Variants in SLC14A2 observed in about 807,000 individuals in gnomAD.
SLC14A2 encodes solute carrier family 14 member 2, also known as urea transporter 2.
A neutral mutation model predicts 104.6 loss-of-function variants in SLC14A2; 91 were observed. The ratio of observed to expected loss-of-function variants is 0.87; its 90% confidence interval spans 0.73 to 1.04. SLC14A2 has a LOEUF of 1.04. Among genes scored for constraint, SLC14A2 ranks in the 50% least tolerant of loss-of-function variants. The probability of loss-of-function intolerance (pLI) is 0.00; values close to 1 mark genes in which losing one functional copy is unlikely to be tolerated. For missense variants in SLC14A2, 1,189 were observed against 1,156.0 expected, an observed-to-expected ratio of 1.03 and a Z score of -0.41; for synonymous variants, 476 against 466.4, an observed-to-expected ratio of 1.02 and a Z score of -0.27.
chr18:45,555,588 A>G (rs549802295), intron 2 of SLC14A2, among the ~76,000 whole-genome samples: 1 of 152,328 alleles, frequency 6.6e-6, no homozygotes, highest in African/African-American at 2.4e-5. Context: ...TTAGAATTCA[A>G]AGTGGACACT....
intron 2 of SLC14A2, among the ~76,000 whole-genome samples, chr18:45,570,693 C>T (rs1409554476): frequency 1.3e-5 from 2 of 152,316 alleles, no homozygotes; most frequent in East Asian, 3.9e-4. Context: ...GGCAGGAGGC[C>T]AGGCACCAGG....
At chr18:45,438,504 AAAGAGCAAAAGT>A (rs1187966458) in intron 1 of SLC14A2, among the ~76,000 whole-genome samples, 1 of 152,204 alleles carries the variant, frequency 6.6e-6, no homozygotes, top group Non-Finnish European at 1.5e-5. Flanking sequence ...TGTGCAAGAG[AAAGAGCAAAAGT>A]GAGAGCAAAA....
intron 1 of SLC14A2, among the ~76,000 whole-genome samples, chr18:45,465,742 C>T (rs767429065): frequency 8.5e-5 from 13 of 152,068 alleles, no homozygotes; most frequent in Non-Finnish European, 1.6e-4. Flanking sequence ...GCAGCTGTGG[C>T]GAGGGGTAAG....
chr18:45,624,550 C>T, intron 1 of SLC14A2, 81 bp from the exon 2 acceptor site: 1 of 1,042,740 alleles, frequency 9.6e-7, no homozygotes, highest in Non-Finnish European at 1.4e-6. Flanking sequence ...CAGGACAGAC[C>T]TGAGGTCTGA....
At chr18:45,419,026 G>A (rs992104069) in intron 1 of SLC14A2, among the ~76,000 whole-genome samples, 3 of 152,190 alleles carry the variant, frequency 2.0e-5, no homozygotes, top group African/African-American at 7.2e-5. Flanking sequence ...TACTGCTAGA[G>A]TCTCTTCATT....
intron 1 of SLC14A2, among the ~76,000 whole-genome samples, chr18:45,470,085 C>T (rs1050102334): frequency 6.6e-6 from 1 of 152,122 alleles, no homozygotes; most frequent in Non-Finnish European, 1.5e-5. Context: ...ACATCTCCTG[C>T]CTTTTGTTTT....
intron 1 of SLC14A2, among the ~76,000 whole-genome samples, chr18:45,475,672 T>C (rs183527825): frequency 1.0e-5 from 1 of 97,704 alleles, no homozygotes; most frequent in East Asian, 2.7e-4. Context: ...TATATATATA[T>C]ATATATATAT....
At chr18:45,488,083 A>C (rs549377447) in intron 2 of SLC14A2, among the ~76,000 whole-genome samples, 2 of 152,356 alleles carry the variant, frequency 1.3e-5, no homozygotes, top group African/African-American at 4.8e-5. Context: ...TCCTAGACTC[A>C]GAACTTAGGA....
chr18:45,525,962 A>G (rs2043589410), intron 2 of SLC14A2, among the ~76,000 whole-genome samples: 1 of 152,236 alleles, frequency 6.6e-6, no homozygotes, highest in Non-Finnish European at 1.5e-5. Flanking sequence ...AAATCAATTC[A>G]GTAGCTCAAA....
At chr18:45,289,718 C>A (rs1171277699) in intron 1 of SLC14A2, among the ~76,000 whole-genome samples, 1 of 152,244 alleles carries the variant, frequency 6.6e-6, no homozygotes, top group African/African-American at 2.4e-5. Context: ...CTGGGCTGAG[C>A]AGAAAGGAGG....
At chr18:45,568,025 TGG>T (rs2044292610) in intron 2 of SLC14A2, among the ~76,000 whole-genome samples, 1 of 152,172 alleles carries the variant, frequency 6.6e-6, no homozygotes, top group African/African-American at 2.4e-5. Flanking sequence ...CAAACCAACA[TGG>T]GTGTTCAGCT....
chr18:45,418,927 T>A (rs1568192436), intron 1 of SLC14A2, among the ~76,000 whole-genome samples: 1 of 152,120 alleles, frequency 6.6e-6, no homozygotes, highest in Non-Finnish European at 1.5e-5. Flanking sequence ...GGTGCAAGCA[T>A]CAGATCCATG....
chr18:45,310,126 G>A (rs114017452), intron 1 of SLC14A2, among the ~76,000 whole-genome samples: 2,191 of 152,046 alleles, frequency 0.014, 25 homozygotes, highest in Middle Eastern at 0.037. Flanking sequence ...TGGACATTTA[G>A]GTTCTTTCTC....
At chr18:45,212,855 C>T (rs2083973131), upstream of SLC14A2, 1 of 152,124 alleles carries the variant, frequency 6.6e-6, no homozygotes, top group African/African-American at 2.4e-5. Context: ...AAAACTGATC[C>T]GATCCCTCTG....
chr18:45,421,066 C>T (rs2086341115), intron 1 of SLC14A2, among the ~76,000 whole-genome samples: 1 of 151,964 alleles, frequency 6.6e-6, no homozygotes, highest in Non-Finnish European at 1.5e-5. Flanking sequence ...AACTTCTTCT[C>T]ATTAAAGTTC....
At chr18:45,417,590 TG>T (rs1388647467) in intron 1 of SLC14A2, among the ~76,000 whole-genome samples, 8 of 152,188 alleles carry the variant, frequency 5.3e-5, no homozygotes, top group Non-Finnish European at 1.2e-4. Flanking sequence ...AATAGCAGCA[TG>T]GGGGGAACCG....
intron 1 of SLC14A2, among the ~76,000 whole-genome samples, chr18:45,399,392 T>A (rs1320655657): frequency 6.6e-6 from 1 of 152,164 alleles, no homozygotes; most frequent in African/African-American, 2.4e-5. Context: ...ATGCAGCCCT[T>A]GAAGCCACTG....
chr18:45,341,805 C>T (rs2144284898), intron 1 of SLC14A2, among the ~76,000 whole-genome samples: 1 of 152,008 alleles, frequency 6.6e-6, no homozygotes, highest in East Asian at 1.9e-4. Flanking sequence ...CCAGACTGAT[C>T]TCAAACTCCT....
At position 45,667,844 on chromosome 18, in the gene SLC14A2, G is replaced by T; in HGVS notation, c.1729G>T (p.Val577Leu). 5 of 1,614,148 alleles carry T rather than the reference G, an allele frequency of 3.1e-6. No homozygotes were observed. The highest frequency in any genetic ancestry group is 4.2e-6 in the Non-Finnish European group (5 of 1,179,960). ...CGEGLKDKSP[V>L]FQFFDWVLRG... ...CGGTTCCATTTCAGACAAGTCCCCA[G>T]TGTTCCAGTTCTTTGACTGGGTCCT... Residue 577 changes from valine (V) to leucine (L), a missense_variant, in exon 14 of 20, where the codon GTG becomes TTG. Physicochemically the swap from Val to Leu is conservative, Grantham distance 32 (BLOSUM62 1). Transcript: ENST00000255226.
Sources: allele counts gnomAD v4.1 joint callset (sites outside exome capture counted in the v4.1 genomes callset), GRCh38; gene constraint gnomAD v4.1.1; transcripts MANE v1.5; gene names NCBI Gene and HGNC (gene_info 2026-07-23, HGNC 2026-07-21).